MAP3K4: variants seen among roughly 807,000 people sequenced by gnomAD.
The protein encoded by MAP3K4 is mitogen-activated protein kinase kinase kinase 4.
A neutral mutation model predicts 185.6 loss-of-function variants in MAP3K4; 67 were observed. The ratio of observed to expected loss-of-function variants is 0.36; its 90% CI spans 0.30 to 0.44. MAP3K4 has a LOEUF of 0.44. MAP3K4 is among the 20% of genes least tolerant of loss of function. The pLI, the probability that MAP3K4 is intolerant of heterozygous loss-of-function variation, is 1.00. For synonymous variants in MAP3K4, 702 were observed against 710.4 expected, an observed-to-expected ratio of 0.99 and a Z score of 0.19; for missense variants, 1,551 against 1,995.1, an observed-to-expected ratio of 0.78 and a Z score of 4.24.
At chr6:161,002,589 CTT>C (rs34733206) in intron 1 of MAP3K4, among the ~76,000 whole-genome samples, 6 of 106,476 alleles carry the variant, frequency 5.6e-5, no homozygotes, top group East Asian at 3.0e-4. Flanking sequence ...ATAGTTTTGG[CTT>C]TTTTTTTTTT....
chr6:161,074,880 C>T lies in MAP3K4; in HGVS notation c.2097+1268C>T, dbSNP rs1048935706. ...ACCAGCTAAGTCCAGACCTTTTTAT[C>T]AGAGCAATAGGAGCTCTCCTGGCAA... On this transcript the variant is annotated intron_variant, in intron 5 of 26. Coordinates refer to ENST00000392142, the MANE Select transcript of MAP3K4 (RefSeq NM_005922.4). The surrounding 1 kb of genome is among the most constrained non-coding windows in gnomAD (Gnocchi z 5.0). Among the ~76,000 whole-genome samples, 1 of 152,142 alleles carries T rather than the reference C, an allele frequency of 6.6e-6. No individual in the cohort carries two copies. Among genetic ancestry groups the T allele is most frequent in the Admixed American group, 6.5e-5 (1 of 15,276 alleles).
chr6:161,110,019 G>A lies in MAP3K4; in HGVS notation c.4396+105G>A, dbSNP rs1466668246. The A allele has an allele frequency of 8.2e-7, 1 of 1,213,326 alleles. No homozygotes were observed. The highest frequency in any genetic ancestry group is 1.5e-5 in the African/African-American group (1 of 65,950). The allele number at this position is 1,213,326 out of a possible 1,614,324, so 75.2% of individuals were successfully genotyped here. The stretch of plus-strand genomic sequence containing the variant: ...CCCATTCCCACATATGATTTCTCTA[G>A]ATGGAAATACCTTTCATTGAAATAC... On this transcript the variant is annotated intron_variant, in intron 23 of 26. Coordinates refer to ENST00000392142, the MANE Select transcript of MAP3K4 (RefSeq NM_005922.4). This position sits in a 1 kb window ranked among gnomAD's most constrained non-coding sequence, Gnocchi z 4.8.
At position 161,070,464 on chromosome 6, in the gene MAP3K4, A is replaced by G. The variant is rs1784886740; in HGVS notation, c.1708-144A>G. 1.8e-6 allele frequency: 1 copy of G among 566,680 alleles called. No homozygotes were observed. Among genetic ancestry groups the G allele is most frequent in the African/African-American group, 1.9e-5 (1 of 52,094 alleles). 35.1% of individuals were successfully genotyped at this position (566,680 alleles called of 1,614,324 possible). ...AATGTTGAAGTTATTAAATTCATTA[A>G]ATTATTAAATATTCTTTTCCCTGTA... On this transcript the variant is annotated intron_variant, in intron 3 of 26. Transcript: ENST00000392142. The surrounding 1 kb of genome is among the most constrained non-coding windows in gnomAD (Gnocchi z 4.5).
chr6:161,027,969 C>T (rs1782750388), intron 1 of MAP3K4, among the ~76,000 whole-genome samples: 1 of 152,184 alleles, frequency 6.6e-6, no homozygotes, highest in South Asian at 2.1e-4. Context: ...CTCCTTCATG[C>T]ACTTCTCCAC....
intron 11 of MAP3K4, among the ~76,000 whole-genome samples, chr6:161,090,077 G>A (rs867320389): frequency 3.9e-5 from 6 of 152,106 alleles, no homozygotes; most frequent in African/African-American, 1.4e-4. Context: ...CTCACATTAA[G>A]GCTTAACTTC....
chr6:161,034,196 A>G lies in MAP3K4; in HGVS notation c.153-63A>G. On this transcript the variant is annotated intron_variant, in intron 1 of 26. Transcript: ENST00000392142. This position sits in a 1 kb window ranked among gnomAD's most constrained non-coding sequence, Gnocchi z 4.4. ...TACAAAGAATTATTTAAAAAATTATAAGTAAATTTGAATTCACTTAACTGT... is the reference window on the plus strand; with the variant it reads ...TACAAAGAATTATTTAAAAAATTATGAGTAAATTTGAATTCACTTAACTGT... 1.6e-6 allele frequency: 2 copies of G among 1,269,066 alleles called. No individual in the cohort carries two copies. The highest frequency in any genetic ancestry group is 2.2e-6 in the Non-Finnish European group (2 of 916,620). The allele number at this position is 1,269,066 out of a possible 1,614,324, so 78.6% of individuals were successfully genotyped here.
intron 1 of MAP3K4, among the ~76,000 whole-genome samples, chr6:161,000,852 T>C (rs540002359): frequency 4.2e-5 from 6 of 143,948 alleles, no homozygotes; most frequent in South Asian, 2.1e-4. Context: ...TGTACGCACA[T>C]ATACACATGT....
chr6:161,012,335 AGTGGT>A (rs902551585), intron 1 of MAP3K4, among the ~76,000 whole-genome samples: 4 of 152,122 alleles, frequency 2.6e-5, no homozygotes, highest in African/African-American at 7.2e-5. Flanking sequence ...AATCATTTCA[AGTGGT>A]GTTTCTCTTG....
chr6:161,034,290 A>G lies in MAP3K4; in HGVS notation c.184A>G (p.Lys62Glu), dbSNP rs1205879128. 8 of 1,613,790 alleles carry G rather than the reference A, an allele frequency of 5.0e-6. No homozygotes were observed. Among genetic ancestry groups the G allele is most frequent in the Non-Finnish European group, 6.8e-6 (8 of 1,179,770 alleles). ...GGGCACATTGGGAGATTCAGCTTGCAAGAGTCCTGAATCTGATCTAGAAGA... is the reference window on the plus strand; with the variant it reads ...GGGCACATTGGGAGATTCAGCTTGCGAGAGTCCTGAATCTGATCTAGAAGA... ...QEGTLGDSACKSPESDLEDFS... is the reference protein window; with the variant it reads ...QEGTLGDSACESPESDLEDFS... Residue 62 changes from lysine (K) to glutamate (E), a missense_variant, in exon 2 of 27, where the codon AAG (lysine) becomes GAG (glutamate). Coordinates refer to ENST00000392142, the MANE Select transcript of MAP3K4 (RefSeq NM_005922.4). The surrounding 1 kb of genome is among the most constrained non-coding windows in gnomAD (Gnocchi z 4.4).
intron 1 of MAP3K4, among the ~76,000 whole-genome samples, chr6:160,997,662 T>C (rs947978319): frequency 6.6e-6 from 1 of 152,228 alleles, no homozygotes; most frequent in Non-Finnish European, 1.5e-5. Context: ...GTTTTTCATC[T>C]CATACACATA....
intron 23 of MAP3K4, among the ~76,000 whole-genome samples, 191 bp from the exon 24 acceptor site, chr6:161,111,645 T>A (rs1018850061): frequency 1.3e-5 from 2 of 152,186 alleles, no homozygotes; most frequent in African/African-American, 4.8e-5. Context: ...GTGTTAAAAT[T>A]TTGTTGCTTT....
intron 3 of MAP3K4, among the ~76,000 whole-genome samples, chr6:161,060,661 C>T (rs1373404698): frequency 4.1e-5 from 6 of 148,096 alleles, no homozygotes; most frequent in African/African-American, 1.3e-4. Flanking sequence ...ACTCTTTTGC[C>T]CAGGCTAGAG....
intron 1 of MAP3K4, among the ~76,000 whole-genome samples, chr6:161,002,589 CTTTTTTTTTT>C (rs34733206): frequency 3.8e-5 from 4 of 106,482 alleles, no homozygotes; most frequent in East Asian, 3.0e-4. Context: ...ATAGTTTTGG[CTTTTTTTTTT>C]TTTTTTTTTT....
chr6:160,997,571 A>G (rs975422021), intron 1 of MAP3K4, among the ~76,000 whole-genome samples: 3 of 152,222 alleles, frequency 2.0e-5, no homozygotes, highest in Non-Finnish European at 4.4e-5. Context: ...TCTGATGTAT[A>G]CATACTCACC....
chr6:161,038,152 G>A (rs1470710786), intron 2 of MAP3K4, among the ~76,000 whole-genome samples: 1 of 151,692 alleles, frequency 6.6e-6, no homozygotes, highest in Non-Finnish European at 1.5e-5. Flanking sequence ...CAGCATTTGA[G>A]TGACTCCATA....
At chr6:161,036,971 C>T (rs1211197799) in intron 2 of MAP3K4, among the ~76,000 whole-genome samples, 3 of 152,194 alleles carry the variant, frequency 2.0e-5, no homozygotes, top group African/African-American at 7.2e-5. Flanking sequence ...TAAACCTGTA[C>T]TTATTTTACA....
Position 161,034,124 on chromosome 6 carries a change from A to C in MAP3K4, c.153-135A>C, listed in dbSNP as rs1317976408. The C allele has an allele frequency of 1.6e-6, 1 of 609,292 alleles. No homozygotes were observed. The highest frequency in any genetic ancestry group is 2.7e-6 in the Non-Finnish European group (1 of 373,002). 37.7% of individuals were successfully genotyped at this position (609,292 alleles called of 1,614,324 possible). ...CTCCTTTTGAGTTTTCACAGGTAAAAATGAGGAGGAGCACAGTGCTGAAGA... is the reference window on the plus strand; with the variant it reads ...CTCCTTTTGAGTTTTCACAGGTAAACATGAGGAGGAGCACAGTGCTGAAGA... On this transcript the variant is annotated intron_variant, in intron 1 of 26. Coordinates refer to ENST00000392142, the MANE Select transcript of MAP3K4 (RefSeq NM_005922.4). This position sits in a 1 kb window ranked among gnomAD's most constrained non-coding sequence, Gnocchi z 4.4.
In MAP3K4 at chr6:161,084,509, C is replaced by A. The variant is rs374653480; in HGVS notation, c.2264C>A (p.Ala755Glu). The A allele has an allele frequency of 1.3e-6, 2 of 1,518,140 alleles. No homozygotes were observed. Among genetic ancestry groups the A allele is most frequent in the African/African-American group, 1.4e-5 (1 of 73,140 alleles). 94.0% of individuals were successfully genotyped at this position (1,518,140 alleles called of 1,614,324 possible). The change falls in exon 7 of 27, where the codon GCA becomes GAA. Residue 755 changes from alanine to glutamate, a missense_variant. Ala to Glu is a moderately radical substitution (Grantham distance 107). Coordinates refer to ENST00000392142, the MANE Select transcript of MAP3K4 (RefSeq NM_005922.4). This position sits in a 1 kb window ranked among gnomAD's most constrained non-coding sequence, Gnocchi z 4.6. Reference sequence around the variant, plus strand: ...TATTTTTGTTCCCTTAGTGACATTGCAGGAATGCTGCTGAAATCTACAGGA... The same window carrying A: ...TATTTTTGTTCCCTTAGTGACATTGAAGGAATGCTGCTGAAATCTACAGGA... ...AQAGKLFCDI[A>E]GMLLKSTGSF...
chr6:161,067,207 G>T lies in MAP3K4; in HGVS notation c.1708-3401G>T. 2.5e-6 allele frequency: 1 copy of T among 392,756 alleles called. No homozygotes were observed. The highest frequency in any genetic ancestry group is 5.2e-6 in the Non-Finnish European group (1 of 193,948). 24.3% of individuals were successfully genotyped at this position (392,756 alleles called of 1,614,324 possible). On this transcript the variant is annotated intron_variant, in intron 3 of 26. Transcript: ENST00000392142. The surrounding 1 kb of genome is among the most constrained non-coding windows in gnomAD (Gnocchi z 6.3). ...GGTTTTATACATTTTAGGGAGACAT[G>T]AGACATCAATCAATATATGTAAGAT... is the stretch of plus-strand genomic sequence containing the variant.
Sources: allele counts gnomAD v4.1 joint callset (sites outside exome capture counted in the v4.1 genomes callset), GRCh38; gene constraint gnomAD v4.1.1; non-coding constraint Gnocchi (gnomAD v3.1); transcripts MANE v1.5; gene names NCBI Gene and HGNC (gene_info 2026-07-23, HGNC 2026-07-21).